Variants in FAM210B observed in about 807,000 individuals in gnomAD.
FAM210B encodes mitochondrial inner membrane scaffold 2, also known as family with sequence similarity 210 member B.
FAM210B carries 11 observed loss-of-function variants against 14.9 expected under a neutral mutation model. The observed-to-expected ratio is 0.74, with a 90% CI of 0.46 to 1.22. The LOEUF is 1.22. FAM210B is among the 50% of genes most tolerant of loss of function. The probability of loss-of-function intolerance (pLI) is 0.00; values close to 1 mark genes in which losing one functional copy is unlikely to be tolerated. For missense variants in FAM210B, 229 were observed against 250.1 expected (o/e 0.92, Z 0.57); for synonymous variants, 113 against 110.2 (o/e 1.03, Z -0.16).
At position 56,359,005 on chromosome 20, in the gene FAM210B, C is replaced by G; in HGVS notation, c.-1C>G. ...GCGGGTGCTGCGCCTAGCTGCGCAC[C>G]ATGGCCGGGTTGCTGGCGTTGCTGG... On this transcript the variant is annotated 5_prime_UTR_variant, in exon 1 of 3. Transcript: ENST00000371384. This position sits in a 1 kb window ranked among gnomAD's most constrained non-coding sequence, Gnocchi z 4.3. 1.5e-6 allele frequency: 2 copies of G among 1,307,278 alleles called. No homozygotes were observed. The highest frequency in any genetic ancestry group is 2.0e-6 in the Non-Finnish European group (2 of 1,023,182). The allele number at this position is 1,307,278 out of a possible 1,614,324, so 81.0% of individuals were successfully genotyped here. A position where few individuals can be genotyped will look rare whatever the true frequency, so the allele number is the denominator to read the frequency against.
Position 56,366,175 on chromosome 20 carries a change from T to C in FAM210B, c.467T>C (p.Ile156Thr). The change falls in exon 3 of 3, where the codon ATC becomes ACC. Residue 156 changes from isoleucine to threonine, a missense_variant. Physicochemically the swap from Ile to Thr is moderately conservative, Grantham distance 89 (BLOSUM62 -1). Around this residue, in one of 3 missense-constraint regions of FAM210B, gnomAD observed 53 missense variants for 55.4 expected, o/e 0.96. Coordinates refer to ENST00000371384, the MANE Select transcript of FAM210B (RefSeq NM_080821.3). ...AGTACCTTCGTGGTGGCCTATGCAA[T>C]CCACAAGCTGTTTGCGCCAGTGAGA... ...GTSTFVVAYAIHKLFAPVRIS... is the reference protein window; with the variant it reads ...GTSTFVVAYATHKLFAPVRIS... 2 of 1,614,186 alleles carry C rather than the reference T, an allele frequency of 1.2e-6. No individual in the cohort carries two copies. The highest frequency in any genetic ancestry group is 1.7e-4 in the Middle Eastern group (1 of 6,058).
chr20:56,365,380 G>C (rs60905780), intron 2 of FAM210B, 118 bp downstream of exon 2: 163,590 of 1,093,096 alleles, frequency 0.15, 13,487 homozygotes, highest in Non-Finnish European at 0.17. Flanking sequence ...CACTGCCCAG[G>C]CTGGAGTGCA....
intron 1 of FAM210B, among the ~76,000 whole-genome samples, chr20:56,364,620 G>A (rs559015856): frequency 3.3e-5 from 5 of 152,314 alleles, no homozygotes; most frequent in African/African-American, 9.6e-5. Context: ...CCTAGTTCCA[G>A]GCTTGCATTG....
At position 56,368,335 on chromosome 20, in the gene FAM210B, AAAAAAAAG is replaced by A. The variant is rs1225454580; in HGVS notation, c.*2056_*2063del. The A allele has an allele frequency of 2.0e-5, 3 of 152,272 alleles. No homozygotes were observed. The highest frequency in any genetic ancestry group is 7.3e-5 in the African/African-American group (3 of 41,246). 9.4% of individuals were successfully genotyped at this position (152,272 alleles called of 1,614,324 possible). ...GTCCCTAGTAATGCCTATGCAAAAA[AAAAAAAAG>A]AAAAAAAAGAAAAACTGATGGTGAA... On this transcript the variant is annotated 3_prime_UTR_variant, in exon 3 of 3. Transcript: ENST00000371384.
intron 1 of FAM210B, among the ~76,000 whole-genome samples, chr20:56,364,302 T>G (rs183240086): frequency 2.6e-5 from 4 of 152,344 alleles, no homozygotes; most frequent in Admixed American, 2.6e-4. Context: ...CTTTTCCAGC[T>G]TAAAGCCGCT....
At chr20:56,361,834 G>A (rs1381093729) in intron 1 of FAM210B, among the ~76,000 whole-genome samples, 5 of 151,946 alleles carry the variant, frequency 3.3e-5, no homozygotes, top group Non-Finnish European at 5.9e-5. Context: ...AATATTAGCC[G>A]GGCATAGTGG....
In FAM210B at chr20:56,358,985, T is replaced by G. The variant is rs1295363542; in HGVS notation, c.-21T>G. 3 of 1,209,194 alleles carry G rather than the reference T, an allele frequency of 2.5e-6. No homozygotes were observed. In the African/African-American group the frequency reaches 4.9e-5, roughly 20 times the overall value. 74.9% of individuals were successfully genotyped at this position (1,209,194 alleles called of 1,614,324 possible). ...CCGCCTCCCGGGTCAGCGGCGCGGG[T>G]GCTGCGCCTAGCTGCGCACCATGGC... On this transcript the variant is annotated 5_prime_UTR_variant, in exon 1 of 3. Coordinates refer to ENST00000371384, the MANE Select transcript of FAM210B (RefSeq NM_080821.3).
Position 56,362,039 on chromosome 20 carries a change from A to G in FAM210B, c.186+2848A>G, listed in dbSNP as rs1312146516. Among the ~76,000 whole-genome samples the G allele has an allele frequency of 6.6e-6, 1 of 152,166 alleles. No homozygotes were observed. The highest frequency in any genetic ancestry group is 1.9e-4 in the East Asian group (1 of 5,200). ...AGCTTGGTCTTGAACTTCTGGCCTC[A>G]AGCAATCCTCCTACACCTCAGCTTC... On this transcript the variant is annotated intron_variant, in intron 1 of 2. Coordinates refer to ENST00000371384, the MANE Select transcript of FAM210B (RefSeq NM_080821.3). The surrounding 1 kb of genome is among the most constrained non-coding windows in gnomAD (Gnocchi z 4.8).
In FAM210B at chr20:56,365,962, TCAGCTA is replaced by T; in HGVS notation, c.363-107_363-102del. ...CCTGGCCACTAAGACTTTTATTCAT[TCAGCTA>T]CTTCATTACATTTTTTAAAATACTG... On this transcript the variant is annotated intron_variant, in intron 2 of 2. Coordinates refer to ENST00000371384, the MANE Select transcript of FAM210B (RefSeq NM_080821.3). 2.6e-6 allele frequency: 2 copies of T among 754,894 alleles called. 1 individual carries two copies. Among genetic ancestry groups the T allele is most frequent in the Non-Finnish European group, 3.9e-6 (2 of 511,074 alleles). The allele number at this position is 754,894 out of a possible 1,614,324, so 46.8% of individuals were successfully genotyped here.
At chr20:56,364,886 G>A (rs552131410) in intron 1 of FAM210B, among the ~76,000 whole-genome samples, 1 of 152,202 alleles carries the variant, frequency 6.6e-6, no homozygotes, top group Non-Finnish European at 1.5e-5. Context: ...CCAGGGAGGT[G>A]GAGGTTGCAA....
chr20:56,363,970 T>C lies in FAM210B; in HGVS notation c.187-1117T>C, dbSNP rs1005857594. 9.9e-5 allele frequency among the ~76,000 whole-genome samples: 15 copies of C among 152,196 alleles called. No individual in the cohort carries two copies. Among genetic ancestry groups the C allele is most frequent in the African/African-American group, 3.6e-4 (15 of 41,442 alleles). ...GCCAATGACCTCACCTCAGCAAGCC[T>C]GTGTTGCTCCTTTGCAAAGTGGGAA... On this transcript the variant is annotated intron_variant, in intron 1 of 2. Coordinates refer to ENST00000371384, the MANE Select transcript of FAM210B (RefSeq NM_080821.3). The surrounding 1 kb of genome is among the most constrained non-coding windows in gnomAD (Gnocchi z 4.1).
intron 1 of FAM210B, among the ~76,000 whole-genome samples, chr20:56,361,661 C>T (rs1400711676): frequency 2.0e-5 from 3 of 152,130 alleles, no homozygotes; most frequent in South Asian, 2.1e-4. Context: ...GGATTATATG[C>T]ATTAATATTT....
Position 56,359,190 on chromosome 20 carries a change from A to G in FAM210B, c.185A>G (p.Gln62Arg). ...GCGCGCGGGGACTGCCGCGGCCACC[A>G]GGTAAGCACCCCACCCCGACCCTGA... ...RTARGDCRGH[Q>R]DPSQATGTTG... The change falls in exon 1 of 3, where the codon CAG becomes CGG. Residue 62 changes from glutamine (Q) to arginine (R), a missense_variant and splice_region_variant. Physicochemically the swap from Gln to Arg is conservative, Grantham distance 43. Transcript: ENST00000371384. This position sits in a 1 kb window ranked among gnomAD's most constrained non-coding sequence, Gnocchi z 4.3. 1.6e-6 allele frequency: 2 copies of G among 1,233,684 alleles called. No individual in the cohort carries two copies. Among genetic ancestry groups the G allele is most frequent in the African/African-American group, 1.6e-5 (1 of 64,110 alleles). 76.4% of individuals were successfully genotyped at this position (1,233,684 alleles called of 1,614,324 possible).
At chr20:56,360,009 C>G (rs986836281) in intron 1 of FAM210B, among the ~76,000 whole-genome samples, 1 of 152,234 alleles carries the variant, frequency 6.6e-6, no homozygotes, top group Non-Finnish European at 1.5e-5. Context: ...ACCTTCCCAG[C>G]AAGAGTTTGG....
rs549226256 is a variant in FAM210B, at chr20:56,362,566, G to A, written c.187-2521G>A. On this transcript the variant is annotated intron_variant, in intron 1 of 2. Coordinates refer to ENST00000371384, the MANE Select transcript of FAM210B (RefSeq NM_080821.3). The surrounding 1 kb of genome is among the most constrained non-coding windows in gnomAD (Gnocchi z 4.8). ...CCCCAAAGGTTAGGAAGAAAAATGC[G>A]TGGCTCACAGTGCTTATAGATGGGT... is the stretch of plus-strand genomic sequence containing the variant. Among the ~76,000 whole-genome samples, 5 of 152,224 alleles carry A rather than the reference G, an allele frequency of 3.3e-5. No homozygotes were observed. The highest frequency in any genetic ancestry group is 4.8e-5 in the African/African-American group (2 of 41,538).
chr20:56,360,690 A>G (rs1442027884), intron 1 of FAM210B: 1 of 158,406 alleles, frequency 6.3e-6, no homozygotes, highest in Admixed American at 6.0e-5. Context: ...TGCAGTAAAT[A>G]TATACAGTCA....
chr20:56,364,797 A>T (rs1457033761), intron 1 of FAM210B, among the ~76,000 whole-genome samples: 1 of 152,154 alleles, frequency 6.6e-6, no homozygotes, highest in Non-Finnish European at 1.5e-5. Context: ...TACTAAAAAT[A>T]CAAAAAATTA....
In FAM210B at chr20:56,359,208, G is replaced by A. The variant is rs1349302773; in HGVS notation, c.186+17G>A. On this transcript the variant is annotated intron_variant, in intron 1 of 2. Transcript: ENST00000371384. The surrounding 1 kb of genome is among the most constrained non-coding windows in gnomAD (Gnocchi z 4.3). The stretch of plus-strand genomic sequence containing the variant: ...GGCCACCAGGTAAGCACCCCACCCC[G>A]ACCCTGATCCCGGGCGGTGTCCAGG... 9.0e-6 allele frequency: 11 copies of A among 1,226,242 alleles called. No individual in the cohort carries two copies. Among genetic ancestry groups the A allele is most frequent in the Non-Finnish European group, 6.1e-6 (6 of 985,538 alleles). The allele number at this position is 1,226,242 out of a possible 1,614,324, so 76.0% of individuals were successfully genotyped here.
chr20:56,359,427 C>G lies in FAM210B; in HGVS notation c.186+236C>G, dbSNP rs1983488220. Among the ~76,000 whole-genome samples the G allele has an allele frequency of 6.6e-6, 1 of 152,232 alleles. No homozygotes were observed. Among genetic ancestry groups the G allele is most frequent in the Non-Finnish European group, 1.5e-5 (1 of 68,044 alleles). Reference sequence around the variant, plus strand: ...GAAGGTGTGGCGCTCTGCCCAAGGTCGCGCAGTCTTCGGCCGAGCCCCGGG... The same window carrying G: ...GAAGGTGTGGCGCTCTGCCCAAGGTGGCGCAGTCTTCGGCCGAGCCCCGGG... On this transcript the variant is annotated intron_variant, in intron 1 of 2. Transcript: ENST00000371384. This position sits in a 1 kb window ranked among gnomAD's most constrained non-coding sequence, Gnocchi z 4.3.
Sources: gnomAD v4.1 joint callset for allele counts (sites outside exome capture counted in the v4.1 genomes callset) on GRCh38, gnomAD v4.1.1 for gene constraint, gnomAD v4.1.1 regional missense constraint, Gnocchi (gnomAD v3.1) non-coding constraint, MANE v1.5 for transcripts, NCBI Gene and HGNC (gene_info 2026-07-23, HGNC 2026-07-21) for gene names.